The following GNAI1 variants were observed in gnomAD, a reference collection of about 807,000 sequenced individuals.
GNAI1 encodes the protein guanine nucleotide-binding protein G(i) subunit alpha-1.
In GNAI1, 11 loss-of-function variants were observed where a neutral mutation model predicts 38.9. That is an observed-to-expected ratio of 0.28 (90% confidence interval 0.18 to 0.47). The LOEUF (loss-of-function observed/expected upper bound fraction) is 0.47. Among genes scored for constraint, GNAI1 ranks in the 20% least tolerant of loss-of-function variants. The pLI is 0.99. For missense variants in GNAI1, 317 were observed against 436.9 expected, an observed-to-expected ratio of 0.73 and a Z score of 2.45; for synonymous variants, 166 against 145.1, an observed-to-expected ratio of 1.14 and a Z score of -1.04.
At chr7:80,194,677 GCTAT>G (rs1475164634) in intron 3 of GNAI1, among the ~76,000 whole-genome samples, 2 of 151,990 alleles carry the variant, frequency 1.3e-5, no homozygotes, top group African/African-American at 2.4e-5. Context: ...TCTTCAGGTG[GCTAT>G]CTAATTATCA....
chr7:80,164,152 C>A lies in GNAI1; in HGVS notation c.119-24799C>A, dbSNP rs547520179. On this transcript the variant is annotated intron_variant, in intron 1 of 7. Transcript: ENST00000649796. ...CTCCACCTCCTGGGTTCAAGCAATT[C>A]TTCTGCCTCAGCCTCCCAAGTAGCT... Among the ~76,000 whole-genome samples the A allele has an allele frequency of 1.3e-3, 186 of 140,988 alleles. 1 individual carries two copies. The highest frequency in any genetic ancestry group is 2.1e-3 in the Non-Finnish European group (141 of 66,230). 92.5% of individuals were successfully genotyped at this position (140,988 alleles called of 152,430 possible).
chr7:80,168,792 T>C (rs1428130398), intron 1 of GNAI1, among the ~76,000 whole-genome samples: 1 of 152,204 alleles, frequency 6.6e-6, no homozygotes, highest in East Asian at 1.9e-4. Context: ...TAAAACTCTT[T>C]ACCAATTAAA....
intron 1 of GNAI1, among the ~76,000 whole-genome samples, chr7:80,183,542 C>A (rs574304695): frequency 1.6e-4 from 24 of 152,062 alleles, no homozygotes; most frequent in African/African-American, 5.1e-4. Context: ...AGCTGAACAG[C>A]CTGTGATGTT....
chr7:80,151,476 G>T (rs1344688765), intron 1 of GNAI1, among the ~76,000 whole-genome samples: 1 of 151,802 alleles, frequency 6.6e-6, no homozygotes, highest in South Asian at 2.1e-4. Flanking sequence ...TCCTGGTTGT[G>T]ATGTCAGTCA....
At chr7:80,135,936 G>T (rs1052248799) in intron 1 of GNAI1, 2 of 985,402 alleles carry the variant, frequency 2.0e-6, no homozygotes, top group Non-Finnish European at 2.4e-6. Flanking sequence ...CCCAAGTGGG[G>T]TTGGGAAGCT....
At chr7:80,181,522 G>T (rs1356940429) in intron 1 of GNAI1, among the ~76,000 whole-genome samples, 1 of 152,096 alleles carries the variant, frequency 6.6e-6, no homozygotes, top group African/African-American at 2.4e-5. Flanking sequence ...TCATCGAGTG[G>T]GTGTGTAGAT....
chr7:80,200,145 C>T (rs542057593), intron 4 of GNAI1, among the ~76,000 whole-genome samples: 1 of 151,008 alleles, frequency 6.6e-6, no homozygotes, highest in Admixed American at 6.6e-5. Context: ...ACGAGACCTC[C>T]CCCCACCATC....
In GNAI1 at chr7:80,189,183, T is replaced by C. The variant is rs533245140; in HGVS notation, c.255T>C (p.Ile85=). ...SNTIQSIIAI[I]RAMGRLKIDF... ...CCATCCAGTCAATTATTGCTATCAT[T>C]AGGGCTATGGGGAGGTTGAAGATAG... Residue 85 remains isoleucine (I), a synonymous_variant, in exon 3 of 8, where the codon ATT becomes ATC. Coordinates refer to ENST00000649796, the MANE Select transcript of GNAI1 (RefSeq NM_002069.6). 2 of 1,608,628 alleles carry C rather than the reference T, an allele frequency of 1.2e-6. No individual in the cohort carries two copies. The highest frequency in any genetic ancestry group is 1.1e-5 in the South Asian group (1 of 89,990).
chr7:80,222,531 G>T lies in GNAI1; in HGVS notation c.*5038G>T, dbSNP rs1220287937. ...GGTTCCCGAGTAGCTGGGATTACAG[G>T]CATGCGACACTACACCCAACTAATC... On this transcript the variant is annotated 3_prime_UTR_variant, in exon 8 of 8. Transcript: ENST00000649796. 6.6e-6 allele frequency among the ~76,000 whole-genome samples: 1 copy of T among 151,764 alleles called. No homozygotes were observed.
intron 3 of GNAI1, among the ~76,000 whole-genome samples, chr7:80,194,512 C>T (rs1788535603): frequency 1.3e-5 from 2 of 152,142 alleles, no homozygotes; most frequent in African/African-American, 2.4e-5. Context: ...AACATCCTCT[C>T]TCAACAAAAG....
At chr7:80,148,468 G>C (rs1787666132) in intron 1 of GNAI1, among the ~76,000 whole-genome samples, 1 of 151,740 alleles carries the variant, frequency 6.6e-6, no homozygotes, top group African/African-American at 2.4e-5. Context: ...TGTAGATTTT[G>C]CATTGTATTT....
Position 80,217,574 on chromosome 7 carries a change from C to A in GNAI1, c.*81C>A. On this transcript the variant is annotated 3_prime_UTR_variant, in exon 8 of 8. Coordinates refer to ENST00000649796, the MANE Select transcript of GNAI1 (RefSeq NM_002069.6). ...ATCTCTGTAGACTAGAGTCTTGCAG[C>A]AACACAGAATGTAATATAAGGCAAA... 2.7e-6 allele frequency: 2 copies of A among 733,516 alleles called. No individual in the cohort carries two copies. The highest frequency in any genetic ancestry group is 4.3e-6 in the Non-Finnish European group (2 of 466,560). 45.4% of individuals were successfully genotyped at this position (733,516 alleles called of 1,614,324 possible).
chr7:80,135,458 C>CT, intron 1 of GNAI1, 180 bp downstream of exon 1: 3 of 418,952 alleles, frequency 7.2e-6, no homozygotes, highest in Non-Finnish European at 8.3e-6. Flanking sequence ...TGTCTGGTCT[C>CT]TCTCCGCCCC....
intron 1 of GNAI1, among the ~76,000 whole-genome samples, chr7:80,182,782 C>G (rs1253389425): frequency 6.6e-6 from 1 of 152,144 alleles, no homozygotes; most frequent in African/African-American, 2.4e-5. Flanking sequence ...GCCTATTCAA[C>G]CCATTACATG....
chr7:80,192,741 G>C (rs73378688), intron 3 of GNAI1, among the ~76,000 whole-genome samples: 4,412 of 152,056 alleles, frequency 0.029, 117 homozygotes, highest in African/African-American at 0.076. Flanking sequence ...TTGTTGCCAG[G>C]CTTCAGTGCA....
Position 80,135,232 on chromosome 7 carries a change from T to C in GNAI1, c.72T>C (p.Arg24=). The stretch of plus-strand genomic sequence containing the variant: ...GTAAGATGATCGACCGCAACCTCCG[T>C]GAGGACGGCGAGAAGGCGGCGCGCG... ...ERSKMIDRNL[R]EDGEKAAREV... Residue 24 remains arginine, a synonymous_variant, in exon 1 of 8, where the codon CGT becomes CGC. Coordinates refer to ENST00000649796, the MANE Select transcript of GNAI1 (RefSeq NM_002069.6). The C allele has an allele frequency of 1.9e-6, 3 of 1,547,634 alleles. No homozygotes were observed. The highest frequency in any genetic ancestry group is 1.7e-6 in the Non-Finnish European group (2 of 1,147,450).
intron 7 of GNAI1, among the ~76,000 whole-genome samples, chr7:80,215,722 T>C (rs1003291215): frequency 1.3e-5 from 2 of 152,030 alleles, no homozygotes; most frequent in African/African-American, 4.8e-5. Context: ...TATAAAGCAA[T>C]ATAACAAAAA....
At chr7:80,187,531 G>A (rs1788409609) in intron 1 of GNAI1, 1 of 152,378 alleles carries the variant, frequency 6.6e-6, no homozygotes, top group African/African-American at 2.4e-5. Context: ...CATTTTGGCA[G>A]GGGAAACAGT....
At chr7:80,216,299 T>A (rs1424184458) in intron 7 of GNAI1, among the ~76,000 whole-genome samples, 5 of 151,802 alleles carry the variant, frequency 3.3e-5, no homozygotes, top group African/African-American at 1.2e-4. Flanking sequence ...ATGCTTCCTC[T>A]CAGTCTTAAC....
Sources: allele counts gnomAD v4.1 joint callset (sites outside exome capture counted in the v4.1 genomes callset), GRCh38; gene constraint gnomAD v4.1.1; transcripts MANE v1.5; gene names NCBI Gene and HGNC (gene_info 2026-07-23, HGNC 2026-07-21).